The following MYPN variants were observed in gnomAD, a reference collection of about 807,000 sequenced individuals.
MYPN encodes myopalladin.
A neutral mutation model predicts 129.4 loss-of-function variants in MYPN; 63 were observed. The ratio of observed to expected loss-of-function variants is 0.49; its 90% CI spans 0.40 to 0.60. The LOEUF (loss-of-function observed/expected upper bound fraction) is 0.60, where lower values mean the gene tolerates loss of function less well. Ranked by LOEUF, MYPN falls within the 20% of genes least tolerant of loss-of-function variation. MYPN has a pLI of 0.00. For synonymous variants in MYPN, 629 were observed against 600.9 expected, an observed-to-expected ratio of 1.05 and a Z score of -0.68; for missense variants, 1,596 against 1,635.4, an observed-to-expected ratio of 0.98 and a Z score of 0.42.
intron 17 of MYPN, among the ~76,000 whole-genome samples, chr10:68,200,414 T>A (rs2043689856): frequency 6.6e-6 from 1 of 152,178 alleles, no homozygotes; most frequent in Admixed American, 6.5e-5. Context: ...AATTTCAGAA[T>A]GCAGGAATTC....
At chr10:68,093,975 C>T (rs1373826971) in intron 1 of MYPN, among the ~76,000 whole-genome samples, 1 of 151,962 alleles carries the variant, frequency 6.6e-6, no homozygotes, top group African/African-American at 2.4e-5. Flanking sequence ...ATTGCCATGG[C>T]ATTTGTAAAC....
chr10:68,158,410 C>A (rs2134136317), intron 6 of MYPN, 76 bp from the exon 7 acceptor site: 1 of 1,443,526 alleles, frequency 6.9e-7, no homozygotes, highest in Non-Finnish European at 9.7e-7. Context: ...GCATCTTTTT[C>A]TAAAATTCAA....
At chr10:68,100,428 G>A (rs1258686844) in intron 1 of MYPN, among the ~76,000 whole-genome samples, 1 of 152,202 alleles carries the variant, frequency 6.6e-6, no homozygotes, top group Non-Finnish European at 1.5e-5. Context: ...ACAGGAAACA[G>A]TCTGTGGCTT....
At chr10:68,207,167 A>C (rs1465211430) in intron 19 of MYPN, among the ~76,000 whole-genome samples, 2 of 152,166 alleles carry the variant, frequency 1.3e-5, no homozygotes, top group African/African-American at 2.4e-5. Context: ...CTGAGGCAGA[A>C]GAATTGGTTG....
At position 68,142,962 on chromosome 10, in the gene MYPN, C is replaced by T. The variant is rs747665161; in HGVS notation, c.925C>T (p.Leu309Phe). The T allele has an allele frequency of 6.2e-7, 1 of 1,614,134 alleles. No homozygotes were observed. Among genetic ancestry groups the T allele is most frequent in the Admixed American group, 1.7e-5 (1 of 60,022 alleles). The change falls in exon 3 of 20, where the codon CTT becomes TTT. Residue 309 changes from leucine to phenylalanine, a missense_variant. Coordinates refer to ENST00000358913, the MANE Select transcript of MYPN (RefSeq NM_032578.4). ...CAGGTGGTACTGTGAAGGCAAGGAG[C>T]TTGAAAATTCCCCAGATATTCACAT... ...QVRWYCEGKE[L>F]ENSPDIHIVQ... is the part of the protein sequence containing the mutation.
At chr10:68,152,737 A>G (rs1232275742) in intron 6 of MYPN, among the ~76,000 whole-genome samples, 1 of 152,068 alleles carries the variant, frequency 6.6e-6, no homozygotes, top group Non-Finnish European at 1.5e-5. Flanking sequence ...CCCGGGTTTA[A>G]GCGATTCTCC....
chr10:68,150,190 C>T lies in MYPN; in HGVS notation c.1317+79C>T, dbSNP rs952159966. 34 of 1,276,418 alleles carry T rather than the reference C, an allele frequency of 2.7e-5. No individual in the cohort carries two copies. The East Asian group carries it at 7.5e-4, about 28-fold the overall frequency. The allele number at this position is 1,276,418 out of a possible 1,614,324, so 79.1% of individuals were successfully genotyped here. ...AAAGTTATAGGATACAAGATTTATT[C>T]ATTTTTATCTCAGGATTTGGTCTTC... is the stretch of plus-strand genomic sequence containing the variant. On this transcript the variant is annotated intron_variant, in intron 6 of 19. Transcript: ENST00000358913.
chr10:68,147,164 G>T (rs2042680477), intron 4 of MYPN, among the ~76,000 whole-genome samples: 1 of 151,956 alleles, frequency 6.6e-6, no homozygotes, highest in East Asian at 1.9e-4. Context: ...TTATTTATTT[G>T]TTTATTTTGA....
At chr10:68,089,411 G>A (rs750416987) in intron 1 of MYPN, among the ~76,000 whole-genome samples, 7 of 151,844 alleles carry the variant, frequency 4.6e-5, no homozygotes, top group African/African-American at 7.3e-5. Flanking sequence ...GCGCGATCTC[G>A]GCTCACTGCA....
At chr10:68,130,755 A>T (rs956502793) in intron 2 of MYPN, among the ~76,000 whole-genome samples, 9 of 152,106 alleles carry the variant, frequency 5.9e-5, no homozygotes, top group African/African-American at 2.2e-4. Context: ...AAAATTTTGT[A>T]ATTTTGTCTT....
chr10:68,171,275 T>C (rs1009077777), intron 10 of MYPN, among the ~76,000 whole-genome samples: 3 of 152,158 alleles, frequency 2.0e-5, no homozygotes, highest in Non-Finnish European at 4.4e-5. Context: ...TGAGATAATG[T>C]CAGACAAAAG....
chr10:68,187,560 A>C (rs2043441776), intron 12 of MYPN, among the ~76,000 whole-genome samples: 1 of 152,218 alleles, frequency 6.6e-6, no homozygotes, highest in Admixed American at 6.5e-5. Flanking sequence ...AGTAGGTTAC[A>C]AGTATCTCTT....
chr10:68,188,965 C>T lies in MYPN; in HGVS notation c.2764C>T (p.Arg922Cys), dbSNP rs759367436. 1.6e-5 allele frequency: 26 copies of T among 1,614,030 alleles called. No homozygotes were observed. The highest frequency in any genetic ancestry group is 5.3e-5 in the African/African-American group (4 of 74,936). ...LMNEIEFRLE[R>C]TPVDESDDEI... is the part of the protein sequence containing the mutation. ...GAATGAAATAGAGTTTCGCTTGGAA[C>T]GTACTCCTGTTGATGAATCAGATGA... Residue 922 changes from arginine to cysteine, a missense_variant, in exon 13 of 20, where the codon CGT becomes TGT. By Grantham distance (180) the Arg-to-Cys change is radical. Coordinates refer to ENST00000358913, the MANE Select transcript of MYPN (RefSeq NM_032578.4).
At chr10:68,126,780 G>A in intron 2 of MYPN, among the ~76,000 whole-genome samples, 1 of 152,166 alleles carries the variant, frequency 6.6e-6, no homozygotes, top group East Asian at 1.9e-4. Context: ...ATGGGAATTT[G>A]AGTCTGAGGG....
chr10:68,165,609 T>C lies in MYPN; in HGVS notation c.1484-93T>C, dbSNP rs1482973603. ...GAATTAATATAGCCAGCTTTTTATA[T>C]TGACTTTGTAGAATCATCATCTGAT... On this transcript the variant is annotated intron_variant, in intron 8 of 19. Transcript: ENST00000358913. 57 of 981,682 alleles carry C rather than the reference T, an allele frequency of 5.8e-5. No individual in the cohort carries two copies. The East Asian group carries it at 1.1e-3, about 19-fold the overall frequency. The allele number at this position is 981,682 out of a possible 1,614,324, so 60.8% of individuals were successfully genotyped here.
At chr10:68,155,222 C>T (rs2042850747) in intron 6 of MYPN, among the ~76,000 whole-genome samples, 1 of 151,900 alleles carries the variant, frequency 6.6e-6, no homozygotes, top group African/African-American at 2.4e-5. Flanking sequence ...CAAAAAAAAC[C>T]CTTCCATTTC....
At chr10:68,190,361 A>G (rs1458978630) in intron 13 of MYPN, among the ~76,000 whole-genome samples, 1 of 151,922 alleles carries the variant, frequency 6.6e-6, no homozygotes, top group African/African-American at 2.4e-5. Context: ...TAATTTTTGT[A>G]TTTTTAGTAG....
intron 13 of MYPN, among the ~76,000 whole-genome samples, chr10:68,193,097 A>G (rs574295245): frequency 1.3e-5 from 2 of 150,564 alleles, no homozygotes; most frequent in South Asian, 2.1e-4. Context: ...GTTCTTTGAG[A>G]TGCCTCTTTA....
At chr10:68,134,141 T>C (rs564387398) in intron 2 of MYPN, among the ~76,000 whole-genome samples, 1 of 152,186 alleles carries the variant, frequency 6.6e-6, no homozygotes, top group Non-Finnish European at 1.5e-5. Flanking sequence ...ACTAAAAAAT[T>C]CAAGATGTTC....
Sources: allele counts gnomAD v4.1 joint callset (sites outside exome capture counted in the v4.1 genomes callset), GRCh38; gene constraint gnomAD v4.1.1; transcripts MANE v1.5; gene names NCBI Gene and HGNC (gene_info 2026-07-23, HGNC 2026-07-21).